The following CHRNA1 variants were observed in gnomAD, a reference collection of about 807,000 sequenced individuals.
CHRNA1 encodes the protein cholinergic receptor nicotinic alpha 1 subunit, also known as acetylcholine receptor subunit alpha.
CHRNA1 carries 35 observed loss-of-function variants against 47.1 expected under a neutral mutation model. That is an observed-to-expected ratio of 0.74 (90% confidence interval 0.57 to 0.99). The LOEUF is 0.99. Ranked by LOEUF, CHRNA1 falls within the 50% of genes least tolerant of loss-of-function variation. CHRNA1 has a pLI of 0.00. For missense variants in CHRNA1, 506 were observed against 591.1 expected (o/e 0.86, Z 1.49); for synonymous variants, 229 against 223.6 (o/e 1.02, Z -0.22).
intron 1 of CHRNA1, among the ~76,000 whole-genome samples, chr2:174,761,868 A>G (rs1292497819): frequency 6.6e-6 from 1 of 152,130 alleles, no homozygotes; most frequent in Non-Finnish European, 1.5e-5. Flanking sequence ...TGGATTACTG[A>G]GCACCTTGGC....
At chr2:174,749,541 C>T (rs1683804105) in intron 7 of CHRNA1, among the ~76,000 whole-genome samples, 1 of 152,234 alleles carries the variant, frequency 6.6e-6, no homozygotes, top group Non-Finnish European at 1.5e-5. Flanking sequence ...CCTCCCATCT[C>T]TAGCCCTCAT....
intron 6 of CHRNA1, among the ~76,000 whole-genome samples, chr2:174,751,710 AC>A (rs1264391423): frequency 2.9e-5 from 4 of 139,802 alleles, no homozygotes; most frequent in African/African-American, 8.1e-5. Context: ...AGGGAGTCTC[AC>A]TCTGTTGCCC....
At chr2:174,753,096 A>G in intron 6 of CHRNA1, 2 of 384,394 alleles carry the variant, frequency 5.2e-6, no homozygotes, top group South Asian at 7.2e-5. Context: ...AGCAGTGGGT[A>G]AAGGGGCAAG....
chr2:174,763,325 C>T lies in CHRNA1; in HGVS notation c.43+1027G>A, dbSNP rs946521094. On this transcript the variant is annotated intron_variant, in intron 1 of 8. Transcript: ENST00000348749. ...TTGCGTGCACGCATGTGTGTGCACG[C>T]GCGCGCACACACACACACACACACA... is the stretch of plus-strand genomic sequence containing the variant. Among the ~76,000 whole-genome samples, 23 of 11,112 alleles carry T rather than the reference C, an allele frequency of 2.1e-3. No homozygotes were observed. In the South Asian group the frequency reaches 0.029, roughly 14 times the overall value. The allele number at this position is 11,112 out of a possible 152,430, so 7.3% of individuals were successfully genotyped here.
chr2:174,762,700 T>G (rs1684121919), intron 1 of CHRNA1, among the ~76,000 whole-genome samples: 1 of 152,194 alleles, frequency 6.6e-6, no homozygotes, highest in South Asian at 2.1e-4. Context: ...GCTGTATAAA[T>G]AGAACAGAGA....
In CHRNA1 at chr2:174,753,725, C is replaced by A. The variant is rs1208838836; in HGVS notation, c.556G>T (p.Asp186Tyr). The part of the protein sequence containing the change: ...VAINPESDQP[D>Y]LSNFMESGEW... ...CCGCTCTCCATGAAGTTGCTCAGGTCTGGCTGGTCGCTTTCCTGAGAAAGG... is the reference window on the plus strand; with the variant it reads ...CCGCTCTCCATGAAGTTGCTCAGGTATGGCTGGTCGCTTTCCTGAGAAAGG... The change falls in exon 6 of 9, where the codon GAC becomes TAC. Residue 186 changes from aspartate (D) to tyrosine (Y), a missense_variant. Transcript: ENST00000348749. 32 of 1,613,960 alleles carry A rather than the reference C, an allele frequency of 2.0e-5. 1 individual carries two copies. Among genetic ancestry groups the A allele is most frequent in the Non-Finnish European group, 2.7e-5 (32 of 1,179,988 alleles).
In CHRNA1 at chr2:174,762,293, G is replaced by A. The variant is rs149194286; in HGVS notation, c.43+2059C>T. On this transcript the variant is annotated intron_variant, in intron 1 of 8. Coordinates refer to ENST00000348749, the MANE Select transcript of CHRNA1 (RefSeq NM_000079.4). ...ATGATTCTCTTCCCAACTCCCATAT[G>A]GCCTGGAGAGTTGGATTAGTTCTTC... is the stretch of plus-strand genomic sequence containing the variant. Among the ~76,000 whole-genome samples, 142 of 152,292 alleles carry A rather than the reference G, an allele frequency of 9.3e-4. 2 individuals are homozygous for A. Among genetic ancestry groups the A allele is most frequent in the African/African-American group, 3.1e-3 (127 of 41,558 alleles).
intron 8 of CHRNA1, 34 bp downstream of exon 8, chr2:174,748,546 C>G: frequency 6.2e-7 from 1 of 1,607,426 alleles, no homozygotes; most frequent in Non-Finnish European, 8.5e-7. Context: ...ACCATTTAAA[C>G]CCAGAGGCAT....
In CHRNA1 at chr2:174,750,004, A is replaced by G. The variant is rs1228720662; in HGVS notation, c.944T>C (p.Val315Ala). The change falls in exon 7 of 9, where the codon GTC (valine) becomes GCC (alanine). Residue 315 changes from valine to alanine, a missense_variant. Val to Ala is a moderately conservative substitution (Grantham distance 64, BLOSUM62 0). Coordinates refer to ENST00000348749, the MANE Select transcript of CHRNA1 (RefSeq NM_000079.4). ...GGGTGAGCGGTGGTGTGTGTTGATG[A>G]CGATGACAGTGATGATGATGGAGGC... The part of the protein sequence containing the change: ...VIASIIITVI[V>A]INTHHRSPST... 1.9e-6 allele frequency: 3 copies of G among 1,614,010 alleles called. No individual in the cohort carries two copies. Among genetic ancestry groups the G allele is most frequent in the Non-Finnish European group, 2.5e-6 (3 of 1,180,024 alleles).
rs1315433072 is a variant in CHRNA1 at position 174,763,328 on chromosome 2, GCGCACACA to G, written c.43+1016_43+1023del. Among the ~76,000 whole-genome samples, 989 of 121,452 alleles carry G rather than the reference GCGCACACA, an allele frequency of 8.1e-3. 4 individuals carry two copies. The highest frequency in any genetic ancestry group is 0.011 in the Admixed American group (133 of 11,926). The allele number at this position is 121,452 out of a possible 152,430, so 79.7% of individuals were successfully genotyped here. On this transcript the variant is annotated intron_variant, in intron 1 of 8. Coordinates refer to ENST00000348749, the MANE Select transcript of CHRNA1 (RefSeq NM_000079.4). ...CGTGCACGCATGTGTGTGCACGCGC[GCGCACACA>G]CACACACACACACACACACACATCA...
rs755345794 is a variant in CHRNA1, at chr2:174,750,160, A to G, written c.788T>C (p.Met263Thr). 20 of 1,599,728 alleles carry G rather than the reference A, an allele frequency of 1.3e-5. No homozygotes were observed. The highest frequency in any genetic ancestry group is 1.7e-5 in the Non-Finnish European group (20 of 1,175,298). The change falls in exon 7 of 9, where the codon ATG (methionine) becomes ACG (threonine). Residue 263 changes from methionine (M) to threonine (T), a missense_variant. Physicochemically the swap from Met to Thr is moderately conservative, Grantham distance 81. Transcript: ENST00000348749. ...CAGTAAGACAGAGATGCTCAGAGTC[A>G]TCTTCTCCCCTGAAAAGACCAAAAA... ...FYLPTDSGEK[M>T]TLSISVLLSL...
Position 174,748,605 on chromosome 2 carries a change from A to G in CHRNA1, c.1217T>C (p.Met406Thr), listed in dbSNP as rs1221661675. 8.7e-6 allele frequency: 14 copies of G among 1,613,204 alleles called. No homozygotes were observed. The highest frequency in any genetic ancestry group is 2.7e-5 in the African/African-American group (2 of 74,912). ...IEGIKYIAET[M>T]KSDQESNNAA... is the part of the protein sequence containing the mutation. ...ATTGTTAGACTCCTGGTCTGACTTC[A>G]TGGTCTCTGCGATGTACTTGATGCC... is the stretch of plus-strand genomic sequence containing the variant. The change falls in exon 8 of 9, where the codon ATG (methionine) becomes ACG (threonine). Residue 406 changes from methionine (M) to threonine (T), a missense_variant. Transcript: ENST00000348749.
chr2:174,749,568 T>G (rs1683804373), intron 7 of CHRNA1, among the ~76,000 whole-genome samples: 1 of 152,184 alleles, frequency 6.6e-6, no homozygotes, highest in South Asian at 2.1e-4. Context: ...CATTCTATTC[T>G]CAACAGATGA....
intron 4 of CHRNA1, among the ~76,000 whole-genome samples, chr2:174,755,724 G>C (rs1249483216): frequency 6.6e-6 from 1 of 152,094 alleles, no homozygotes; most frequent in Non-Finnish European, 1.5e-5. Flanking sequence ...GTGAAACGTA[G>C]ATTTTTTTAA....
In CHRNA1 at chr2:174,752,600, C is replaced by G. The variant is rs1683878265; in HGVS notation, c.778+903G>C. On this transcript the variant is annotated intron_variant, in intron 6 of 8. Coordinates refer to ENST00000348749, the MANE Select transcript of CHRNA1 (RefSeq NM_000079.4). ...AAAAACAAAAATGAAACCCCAAATG[C>G]AGTCACTGGAACATGCACTCTGAGG... Among the ~76,000 whole-genome samples, 3 of 152,080 alleles carry G rather than the reference C, an allele frequency of 2.0e-5. No homozygotes were observed. In the South Asian group the frequency reaches 6.2e-4, roughly 32 times the overall value.
At chr2:174,757,699 A>G (rs762812233) in intron 3 of CHRNA1, 24 bp from the exon 4 acceptor site, 2 of 1,595,024 alleles carry the variant, frequency 1.3e-6, no homozygotes, top group Admixed American at 3.3e-5. Context: ...CATACAGCTA[A>G]TTAAAAAGCC....
At chr2:174,756,331 C>T (rs1683979745) in intron 4 of CHRNA1, among the ~76,000 whole-genome samples, 1 of 152,156 alleles carries the variant, frequency 6.6e-6, no homozygotes, top group African/African-American at 2.4e-5. Context: ...AGTGGGATTT[C>T]AGGGACATCA....
intron 6 of CHRNA1, chr2:174,752,667 A>C (rs1471206956): frequency 6.6e-6 from 1 of 152,382 alleles, no homozygotes; most frequent in East Asian, 1.9e-4. Flanking sequence ...TCTATCTACC[A>C]CATCATATTT....
At chr2:174,753,024 C>T (rs1325567187) in intron 6 of CHRNA1, 2 of 244,226 alleles carry the variant, frequency 8.2e-6, no homozygotes, top group East Asian at 8.7e-5. Context: ...GAAGTAGGGT[C>T]TTGTGTGTGA....
Sources: gnomAD v4.1 joint callset for allele counts (sites outside exome capture counted in the v4.1 genomes callset) on GRCh38, gnomAD v4.1.1 for gene constraint, MANE v1.5 for transcripts, NCBI Gene and HGNC (gene_info 2026-07-23, HGNC 2026-07-21) for gene names.